Variants in DGKG observed in about 807,000 individuals in gnomAD.
DGKG encodes the protein DAG kinase gamma.
Under a neutral mutation model 105.3 loss-of-function variants are expected in DGKG, and 78 were observed. The ratio of observed to expected loss-of-function variants is 0.74; its 90% CI spans 0.62 to 0.89. The LOEUF is 0.89. DGKG is among the 40% of genes least tolerant of loss of function. DGKG has a pLI of 0.00. For missense variants in DGKG, 958 were observed against 1,020.1 expected, an observed-to-expected ratio of 0.94 and a Z score of 0.83; for synonymous variants, 346 against 367.1, an observed-to-expected ratio of 0.94 and a Z score of 0.66.
chr3:186,347,875 A>G (rs1041789327), intron 1 of DGKG, among the ~76,000 whole-genome samples: 3 of 152,116 alleles, frequency 2.0e-5, no homozygotes, highest in African/African-American at 7.2e-5. Flanking sequence ...GAGCCTCCGC[A>G]CCCAGCCCTT....
rs75077588 is a variant in DGKG at position 186,177,437 on chromosome 3, A to G, written c.2095+10765T>C. On this transcript the variant is annotated intron_variant, in intron 22 of 24. Coordinates refer to ENST00000265022, the MANE Select transcript of DGKG (RefSeq NM_001346.3). The stretch of plus-strand genomic sequence containing the variant: ...TTCGTCAAACATTTGTTGATCACCT[A>G]CTAGCTGCATTGCATGGTGCTGGGC... Among the ~76,000 whole-genome samples the G allele has an allele frequency of 3.8e-3, 584 of 152,278 alleles. 1 individual carries two copies. The highest frequency in any genetic ancestry group is 6.4e-3 in the Non-Finnish European group (434 of 68,022).
chr3:186,329,200 G>C (rs1440563424), intron 1 of DGKG, among the ~76,000 whole-genome samples: 3 of 152,210 alleles, frequency 2.0e-5, no homozygotes, highest in Non-Finnish European at 4.4e-5. Flanking sequence ...GGTAGGAGAA[G>C]AGTATTTTAT....
chr3:186,271,477 C>T (rs367937583), intron 11 of DGKG, among the ~76,000 whole-genome samples: 10 of 152,292 alleles, frequency 6.6e-5, no homozygotes, highest in Admixed American at 2.0e-4. Context: ...CCACCCCAGT[C>T]GGGCCCTCAG....
chr3:186,187,382 A>T (rs1717692599), intron 22 of DGKG, among the ~76,000 whole-genome samples: 1 of 152,224 alleles, frequency 6.6e-6, no homozygotes, highest in African/African-American at 2.4e-5. Context: ...CCGTGAGATA[A>T]AAAGGGGAGT....
intron 1 of DGKG, among the ~76,000 whole-genome samples, chr3:186,334,286 C>A (rs1444721149): frequency 6.6e-6 from 1 of 152,142 alleles, no homozygotes; most frequent in African/African-American, 2.4e-5. Flanking sequence ...CATATTCCCC[C>A]ACCCCACCCT....
intron 21 of DGKG, among the ~76,000 whole-genome samples, chr3:186,209,268 A>C (rs1424482766): frequency 2.0e-5 from 3 of 151,450 alleles, no homozygotes; most frequent in African/African-American, 7.3e-5. Flanking sequence ...CACCTGGCTA[A>C]TTTTTGTACT....
chr3:186,222,394 G>A (rs1272811782), intron 20 of DGKG, among the ~76,000 whole-genome samples: 1 of 152,214 alleles, frequency 6.6e-6, no homozygotes, highest in Admixed American at 6.5e-5. Flanking sequence ...GAGTTCTGGT[G>A]GGAAGGCAGA....
At chr3:186,217,857 G>C (rs1336586649) in intron 20 of DGKG, among the ~76,000 whole-genome samples, 2 of 152,160 alleles carry the variant, frequency 1.3e-5, no homozygotes, top group Non-Finnish European at 1.5e-5. Context: ...ATTTATTTGG[G>C]CTTAGAAGTC....
chr3:186,271,125 C>G (rs1443743711), intron 11 of DGKG, among the ~76,000 whole-genome samples: 1 of 152,184 alleles, frequency 6.6e-6, no homozygotes, highest in African/African-American at 2.4e-5. Context: ...TCATGGCTAA[C>G]TGTCTCCTGA....
intron 16 of DGKG, 72 bp from the exon 17 acceptor site, chr3:186,258,011 G>A (rs1297747413): frequency 8.9e-7 from 1 of 1,119,110 alleles, no homozygotes; most frequent in African/African-American, 1.5e-5. Context: ...TGTTGAGTCA[G>A]AGTCTGCCCT....
chr3:186,303,402 C>T (rs1724070659), intron 3 of DGKG, among the ~76,000 whole-genome samples: 1 of 152,136 alleles, frequency 6.6e-6, no homozygotes, highest in Admixed American at 6.5e-5. Flanking sequence ...AGCTTTTATG[C>T]AGGAATTAGC....
chr3:186,319,395 G>A (rs1306294118), intron 2 of DGKG, among the ~76,000 whole-genome samples: 1 of 152,182 alleles, frequency 6.6e-6, no homozygotes, highest in Non-Finnish European at 1.5e-5. Context: ...CACCTGAACT[G>A]GATTCCCTGA....
intron 22 of DGKG, among the ~76,000 whole-genome samples, chr3:186,180,251 A>G (rs1717294451): frequency 1.3e-5 from 2 of 152,154 alleles, no homozygotes. Context: ...AAGGATGTGT[A>G]AAGATGGGGA....
rs1207827779 is a variant in DGKG, at chr3:186,203,398, T to C, written c.1917+8397A>G. On this transcript the variant is annotated intron_variant, in intron 21 of 24. Transcript: ENST00000265022. The surrounding 1 kb of genome is among the most constrained non-coding windows in gnomAD (Gnocchi z 4.9). ...TCCTGGTTGGTGGGATTGGGGGTTA[T>C]TTTCTTTTTTGCCCCTCTGTATTTT... Among the ~76,000 whole-genome samples, 4 of 152,236 alleles carry C rather than the reference T, an allele frequency of 2.6e-5. No homozygotes were observed. The highest frequency in any genetic ancestry group is 5.9e-5 in the Non-Finnish European group (4 of 68,048).
intron 20 of DGKG, among the ~76,000 whole-genome samples, chr3:186,235,349 T>C (rs1276080918): frequency 2.0e-5 from 3 of 152,212 alleles, no homozygotes; most frequent in Non-Finnish European, 4.4e-5. Flanking sequence ...GGGAAGCAGG[T>C]GCAGACAGTC....
intron 22 of DGKG, among the ~76,000 whole-genome samples, chr3:186,173,843 G>A (rs1716943641): frequency 6.6e-6 from 1 of 152,236 alleles, no homozygotes; most frequent in African/African-American, 2.4e-5. Flanking sequence ...AACGAGTAAA[G>A]AAGGAAAGCT....
At chr3:186,151,105 A>C (rs1715738623) in intron 24 of DGKG, among the ~76,000 whole-genome samples, 3 of 152,378 alleles carry the variant, frequency 2.0e-5, no homozygotes. Context: ...TTGACTCTTC[A>C]GAGCCAGTGC....
intron 17 of DGKG, among the ~76,000 whole-genome samples, chr3:186,254,556 A>T (rs1195697409): frequency 6.6e-6 from 1 of 152,144 alleles, no homozygotes; most frequent in Admixed American, 6.5e-5. Flanking sequence ...TGTTTAGGCT[A>T]GAAAGCTGTA....
At chr3:186,211,500 C>T (rs1033763430) in intron 21 of DGKG, among the ~76,000 whole-genome samples, 17 of 152,130 alleles carry the variant, frequency 1.1e-4, no homozygotes, top group African/African-American at 4.1e-4. Flanking sequence ...GACTTTATCT[C>T]TCAGAAAAGA....
Sources: allele counts gnomAD v4.1 joint callset (sites outside exome capture counted in the v4.1 genomes callset), GRCh38; gene constraint gnomAD v4.1.1; non-coding constraint Gnocchi (gnomAD v3.1); transcripts MANE v1.5; gene names NCBI Gene and HGNC (gene_info 2026-07-23, HGNC 2026-07-21).